Variants in SERTAD3 observed in about 807,000 individuals in gnomAD.
SERTAD3 encodes the protein SERTA domain containing 3.
A neutral mutation model predicts 11.9 loss-of-function variants in SERTAD3; 6 were observed. The ratio of observed to expected loss-of-function variants is 0.50; its 90% confidence interval spans 0.28 to 0.99. SERTAD3 has a LOEUF of 0.99. Ranked by LOEUF, SERTAD3 falls within the 50% of genes least tolerant of loss-of-function variation. The pLI is 0.11. For synonymous variants in SERTAD3, 101 were observed against 98.9 expected (o/e 1.02, Z -0.13); for missense variants, 261 against 240.9 (o/e 1.08, Z -0.55).
At chr19:40,443,215 C>T (rs1454595487) in intron 1 of SERTAD3, among the ~76,000 whole-genome samples, 1 of 152,070 alleles carries the variant, frequency 6.6e-6, no homozygotes. Context: ...AGGAACGCCC[C>T]AATTTGGCCC....
chr19:40,441,257 C>T lies in SERTAD3; in HGVS notation c.*233G>A, dbSNP rs2079673001. The T allele has an allele frequency of 6.8e-6, 3 of 441,832 alleles. No homozygotes were observed. Among genetic ancestry groups the T allele is most frequent in the African/African-American group, 4.0e-5 (2 of 49,420 alleles). The allele number at this position is 441,832 out of a possible 1,614,324, so 27.4% of individuals were successfully genotyped here. Reference sequence around the variant, plus strand: ...AATCAGACTCCCAGAAACAGAGTCTCGTTAAGGCATTTGGAATAGATAAAT... The same window carrying T: ...AATCAGACTCCCAGAAACAGAGTCTTGTTAAGGCATTTGGAATAGATAAAT... On this transcript the variant is annotated 3_prime_UTR_variant, in exon 2 of 2. Transcript: ENST00000322354.
chr19:40,443,589 C>A (rs1208438628), intron 1 of SERTAD3: 1 of 153,698 alleles, frequency 6.5e-6, no homozygotes, highest in Non-Finnish European at 1.5e-5. Flanking sequence ...AGACCCAGAT[C>A]CGAACACATC....
chr19:40,443,038 C>A (rs1348293866), intron 1 of SERTAD3, among the ~76,000 whole-genome samples: 5 of 151,836 alleles, frequency 3.3e-5, no homozygotes, highest in Admixed American at 2.6e-4. Context: ...AGGAAAGGGG[C>A]CTGTCTCATT....
Position 40,441,245 on chromosome 19 carries a change from G to GA in SERTAD3, c.*244dup, listed in dbSNP as rs1033963933. 2.5e-6 allele frequency: 1 copy of GA among 401,848 alleles called. No individual in the cohort carries two copies. The highest frequency in any genetic ancestry group is 2.1e-5 in the African/African-American group (1 of 48,478). 24.9% of individuals were successfully genotyped at this position (401,848 alleles called of 1,614,324 possible). A position where few individuals can be genotyped will look rare whatever the true frequency, so the allele number is the denominator to read the frequency against. On this transcript the variant is annotated 3_prime_UTR_variant, in exon 2 of 2. Transcript: ENST00000322354. ...GTGTAAGTGGAAAATCAGACTCCCA[G>GA]AAACAGAGTCTCGTTAAGGCATTTG...
rs756234146 is a variant in SERTAD3, at chr19:40,441,455, G to C, written c.*35C>G. Reference sequence around the variant, plus strand: ...TTCAGGGATCCAGGCCACCGAAGATGACATGAGGAAGGATCGATCCCCTCT... The same window carrying C: ...TTCAGGGATCCAGGCCACCGAAGATCACATGAGGAAGGATCGATCCCCTCT... On this transcript the variant is annotated 3_prime_UTR_variant, in exon 2 of 2. Coordinates refer to ENST00000322354, the MANE Select transcript of SERTAD3 (RefSeq NM_203344.3). 1 of 1,505,132 alleles carries C rather than the reference G, an allele frequency of 6.6e-7. No individual in the cohort carries two copies. Among genetic ancestry groups the C allele is most frequent in the East Asian group, 2.3e-5 (1 of 44,058 alleles). The allele number at this position is 1,505,132 out of a possible 1,614,324, so 93.2% of individuals were successfully genotyped here. A position where few individuals can be genotyped will look rare whatever the true frequency, so the allele number is the denominator to read the frequency against.
At chr19:40,442,168 T>C (rs2079683963) in intron 1 of SERTAD3, 82 bp from the exon 2 acceptor site, 2 of 753,140 alleles carry the variant, frequency 2.7e-6, no homozygotes, top group South Asian at 4.2e-5. Context: ...CTCAGGCCTA[T>C]TGAGTTGTTA....
chr19:40,441,351 T>C lies in SERTAD3; in HGVS notation c.*139A>G. 1.3e-6 allele frequency: 1 copy of C among 744,566 alleles called. No individual in the cohort carries two copies. Among genetic ancestry groups the C allele is most frequent in the Non-Finnish European group, 2.2e-6 (1 of 450,878 alleles). 46.1% of individuals were successfully genotyped at this position (744,566 alleles called of 1,614,324 possible). A position where few individuals can be genotyped will look rare whatever the true frequency, so the allele number is the denominator to read the frequency against. On this transcript the variant is annotated 3_prime_UTR_variant, in exon 2 of 2. Transcript: ENST00000322354. Reference sequence around the variant, plus strand: ...ACACACACACACATGCAAGACAGTTTGTGGAACCCTGAAATGGGAACAAAG... The same window carrying C: ...ACACACACACACATGCAAGACAGTTCGTGGAACCCTGAAATGGGAACAAAG...
Position 40,441,992 on chromosome 19 carries a change from T to C in SERTAD3, c.89A>G (p.Gln30Arg). Reference protein sequence around the residue: ...EWSPAGLQSYQQALLRISLDK... With the variant: ...EWSPAGLQSYRQALLRISLDK... The stretch of plus-strand genomic sequence containing the variant: ...TAGGGAGATGCGGAGCAGGGCTTGC[T>C]GGTAGCTCTGAAGGCCTGCTGGACT... Residue 30 changes from glutamine (Q) to arginine (R), a missense_variant, in exon 2 of 2, where the codon CAG (glutamine) becomes CGG (arginine). Transcript: ENST00000322354. 6.5e-7 allele frequency: 1 copy of C among 1,542,406 alleles called. No homozygotes were observed. The highest frequency in any genetic ancestry group is 8.7e-7 in the Non-Finnish European group (1 of 1,147,368).
chr19:40,443,732 C>G (rs1031529289), intron 1 of SERTAD3: 1 of 153,806 alleles, frequency 6.5e-6, no homozygotes, highest in Non-Finnish European at 1.5e-5. Context: ...TGTCCGGCTC[C>G]AAGACCCGAA....
At chr19:40,443,075 C>T (rs766694026) in intron 1 of SERTAD3, among the ~76,000 whole-genome samples, 1 of 151,806 alleles carries the variant, frequency 6.6e-6, no homozygotes, top group African/African-American at 2.4e-5. Context: ...TCAGATTCCC[C>T]CAAAGCGCGC....
Position 40,444,282 on chromosome 19 carries a change from G to A in SERTAD3, c.-74C>T, listed in dbSNP as rs2079700673. On this transcript the variant is annotated 5_prime_UTR_variant, in exon 1 of 2. Coordinates refer to ENST00000322354, the MANE Select transcript of SERTAD3 (RefSeq NM_203344.3). Reference sequence around the variant, plus strand: ...CAGCGTTGCGACCCGCCAGTGCCAGGACCCACCAGTGACCGGTTGGAGCCT... The same window carrying A: ...CAGCGTTGCGACCCGCCAGTGCCAGAACCCACCAGTGACCGGTTGGAGCCT... The A allele has an allele frequency of 6.6e-6, 1 of 152,348 alleles. No individual in the cohort carries two copies. The highest frequency in any genetic ancestry group is 1.5e-5 in the Non-Finnish European group (1 of 68,148). The allele number at this position is 152,348 out of a possible 1,614,324, so 9.4% of individuals were successfully genotyped here.
chr19:40,440,962 C>T lies in SERTAD3; in HGVS notation c.*528G>A, dbSNP rs1216181365. ...CGGCATGGAGCAGTTTGGTTTCCAC[C>T]CTATTGCACGTGGTCCGGCCTGGTT... On this transcript the variant is annotated 3_prime_UTR_variant, in exon 2 of 2. Coordinates refer to ENST00000322354, the MANE Select transcript of SERTAD3 (RefSeq NM_203344.3). The T allele has an allele frequency of 6.6e-6, 1 of 152,192 alleles. No individual in the cohort carries two copies. Among genetic ancestry groups the T allele is most frequent in the Non-Finnish European group, 1.5e-5 (1 of 68,104 alleles). 9.4% of individuals were successfully genotyped at this position (152,192 alleles called of 1,614,324 possible). A position where few individuals can be genotyped will look rare whatever the true frequency, so the allele number is the denominator to read the frequency against.
chr19:40,441,414 C>A lies in SERTAD3; in HGVS notation c.*76G>T. The A allele has an allele frequency of 7.6e-7, 1 of 1,312,412 alleles. No homozygotes were observed. The highest frequency in any genetic ancestry group is 1.1e-6 in the Non-Finnish European group (1 of 946,274). The allele number at this position is 1,312,412 out of a possible 1,614,324, so 81.3% of individuals were successfully genotyped here. A position where few individuals can be genotyped will look rare whatever the true frequency, so the allele number is the denominator to read the frequency against. On this transcript the variant is annotated 3_prime_UTR_variant, in exon 2 of 2. Coordinates refer to ENST00000322354, the MANE Select transcript of SERTAD3 (RefSeq NM_203344.3). ...ACTGCTTCGAGCCCCCACAAAAACA[C>A]ACACCCAGAGTTGCATTCAGGGATC...
rs761528996 is a variant in SERTAD3 at position 40,444,296 on chromosome 19, C to A, written c.-88G>T. ...GCCAGTGCCAGGACCCACCAGTGAC[C>A]GGTTGGAGCCTCGCTCACCTCGGCG... On this transcript the variant is annotated 5_prime_UTR_variant, in exon 1 of 2. Coordinates refer to ENST00000322354, the MANE Select transcript of SERTAD3 (RefSeq NM_203344.3). The A allele has an allele frequency of 6.6e-6, 1 of 151,148 alleles. No individual in the cohort carries two copies. Among genetic ancestry groups the A allele is most frequent in the Non-Finnish European group, 1.5e-5 (1 of 67,682 alleles). 9.4% of individuals were successfully genotyped at this position (151,148 alleles called of 1,614,324 possible).
chr19:40,441,606 C>A lies in SERTAD3; in HGVS notation c.475G>T (p.Val159Leu). Residue 159 changes from valine (V) to leucine (L), a missense_variant, in exon 2 of 2, where the codon GTA becomes TTA. Coordinates refer to ENST00000322354, the MANE Select transcript of SERTAD3 (RefSeq NM_203344.3). ...GGGGCCCGTGCAGGCTCCTTTTCTACCGCAGATGTGTCAATGTCCAGAAAG... is the reference window on the plus strand; with the variant it reads ...GGGGCCCGTGCAGGCTCCTTTTCTAACGCAGATGTGTCAATGTCCAGAAAG... ...DFFLDIDTSA[V>L]EKEPARAPPE... is the part of the protein sequence containing the mutation. 1 of 1,614,200 alleles carries A rather than the reference C, an allele frequency of 6.2e-7. No individual in the cohort carries two copies. The highest frequency in any genetic ancestry group is 1.3e-5 in the African/African-American group (1 of 75,064).
At chr19:40,442,286 C>G in intron 1 of SERTAD3, 200 bp from the exon 2 acceptor site, 1 of 398,780 alleles carries the variant, frequency 2.5e-6, no homozygotes, top group Non-Finnish European at 4.4e-6. Context: ...AAAATAAGAT[C>G]TGGCGTTACG....
chr19:40,441,541 A>C lies in SERTAD3; in HGVS notation c.540T>G (p.Ser180=). ...PPHNLFCAPG[S]WEWNELDHIM... is the part of the protein sequence containing the mutation. ...TGTGATCCAGTTCATTCCACTCCCA[A>C]GAACCTGGGGCACAGAAGAGGTTGT... Residue 180 remains serine, a synonymous_variant, in exon 2 of 2, where the codon TCT becomes TCG. Transcript: ENST00000322354. The C allele has an allele frequency of 1.2e-6, 2 of 1,613,588 alleles. No individual in the cohort carries two copies. The highest frequency in any genetic ancestry group is 8.5e-7 in the Non-Finnish European group (1 of 1,179,864).
chr19:40,441,383 A>G lies in SERTAD3; in HGVS notation c.*107T>C. ...CCCTGAAATGGGAACAAAGGAGGCC[A>G]TAGTCACTGCTTCGAGCCCCCACAA... On this transcript the variant is annotated 3_prime_UTR_variant, in exon 2 of 2. Coordinates refer to ENST00000322354, the MANE Select transcript of SERTAD3 (RefSeq NM_203344.3). The G allele has an allele frequency of 2.1e-6, 2 of 959,986 alleles. No homozygotes were observed. The highest frequency in any genetic ancestry group is 3.2e-6 in the Non-Finnish European group (2 of 628,826). The allele number at this position is 959,986 out of a possible 1,614,324, so 59.5% of individuals were successfully genotyped here.
chr19:40,443,339 C>T (rs1389415495), intron 1 of SERTAD3: 3 of 152,252 alleles, frequency 2.0e-5, no homozygotes, highest in Non-Finnish European at 2.9e-5. Flanking sequence ...ACCCCCCTCA[C>T]CCCGCTCTCC....
Sources: allele counts gnomAD v4.1 joint callset (sites outside exome capture counted in the v4.1 genomes callset), GRCh38; gene constraint gnomAD v4.1.1; transcripts MANE v1.5; gene names NCBI Gene and HGNC (gene_info 2026-07-23, HGNC 2026-07-21).